TTLL5: variants seen among roughly 807,000 people sequenced by gnomAD.
TTLL5 encodes the protein tubulin tyrosine ligase like 5.
TTLL5 carries 132 observed loss-of-function variants against 168.4 expected under a neutral mutation model. The observed-to-expected ratio is 0.78, with a 90% confidence interval of 0.68 to 0.91. TTLL5 has a LOEUF of 0.91. Ranked by LOEUF, TTLL5 falls within the 40% of genes least tolerant of loss-of-function variation. TTLL5 has a pLI of 0.00. For synonymous variants in TTLL5, 546 were observed against 558.6 expected, an observed-to-expected ratio of 0.98 and a Z score of 0.32; for missense variants, 1,545 against 1,581.5, an observed-to-expected ratio of 0.98 and a Z score of 0.39.
chr14:75,891,329 A>C (rs2140053972), intron 30 of TTLL5, among the ~76,000 whole-genome samples: 1 of 151,588 alleles, frequency 6.6e-6, no homozygotes, highest in Non-Finnish European at 1.5e-5. Flanking sequence ...TCCTCATCTG[A>C]CTCTGCCATC....
At chr14:75,815,688 CTGA>C (rs1361753143) in intron 27 of TTLL5, among the ~76,000 whole-genome samples, 2 of 152,186 alleles carry the variant, frequency 1.3e-5, no homozygotes, top group Admixed American at 1.3e-4. Context: ...AGGTCTGTAT[CTGA>C]TGATATTTTA....
At chr14:75,706,292 C>A (rs547760231) in intron 7 of TTLL5, among the ~76,000 whole-genome samples, 1 of 152,256 alleles carries the variant, frequency 6.6e-6, no homozygotes, top group Non-Finnish European at 1.5e-5. Flanking sequence ...TTTGCTGTTC[C>A]TCTACCTAAA....
At chr14:75,903,362 G>C (rs1023669983) in intron 31 of TTLL5, among the ~76,000 whole-genome samples, 2 of 152,000 alleles carry the variant, frequency 1.3e-5, no homozygotes, top group Admixed American at 1.3e-4. Context: ...AGCAAAGACC[G>C]GGGGGAAGTG....
intron 27 of TTLL5, among the ~76,000 whole-genome samples, chr14:75,812,349 G>A (rs1894097184): frequency 6.6e-6 from 1 of 152,206 alleles, no homozygotes; most frequent in South Asian, 2.1e-4. Context: ...TCACTTAGCA[G>A]CAGCCAGCTA....
chr14:75,945,856 G>A (rs1484496940), intron 31 of TTLL5, among the ~76,000 whole-genome samples: 2 of 152,216 alleles, frequency 1.3e-5, no homozygotes, highest in Non-Finnish European at 2.9e-5. Flanking sequence ...GCTGGAGGGA[G>A]TGGAAGGATT....
At chr14:75,788,296 A>G (rs1175540950) in intron 26 of TTLL5, among the ~76,000 whole-genome samples, 1 of 152,172 alleles carries the variant, frequency 6.6e-6, no homozygotes, top group Non-Finnish European at 1.5e-5. Context: ...ATAGAATTCA[A>G]AAATAAGGCA....
chr14:75,713,428 G>A (rs536189373), intron 9 of TTLL5, among the ~76,000 whole-genome samples: 7 of 152,138 alleles, frequency 4.6e-5, no homozygotes, highest in African/African-American at 1.2e-4. Context: ...GTGTAAATAC[G>A]CTCTATGATG....
At chr14:75,768,144 G>A (rs907207457) in intron 20 of TTLL5, among the ~76,000 whole-genome samples, 4 of 152,158 alleles carry the variant, frequency 2.6e-5, no homozygotes, top group African/African-American at 9.7e-5. Context: ...ATTTGGTTCA[G>A]CAAGGATAAA....
In TTLL5 at chr14:75,933,557, C is replaced by T. The variant is rs141864344; in HGVS notation, c.3824-20867C>T. On this transcript the variant is annotated intron_variant, in intron 31 of 31. Coordinates refer to ENST00000298832, the MANE Select transcript of TTLL5 (RefSeq NM_015072.5). ...TGGCTCAAGGTCTCTCATGAAGTTA[C>T]AGTCAGGCTGTCAGCTGGGAGCAGT... Among the ~76,000 whole-genome samples, 348 of 152,336 alleles carry T rather than the reference C, an allele frequency of 2.3e-3. 2 individuals are homozygous for T. The highest frequency in any genetic ancestry group is 4.0e-3 in the Non-Finnish European group (271 of 68,024).
chr14:75,915,433 T>G (rs1415412574), intron 31 of TTLL5, among the ~76,000 whole-genome samples: 1 of 152,238 alleles, frequency 6.6e-6, no homozygotes, highest in Non-Finnish European at 1.5e-5. Flanking sequence ...GCATTACCAC[T>G]GCTGTTGTCA....
At chr14:75,783,838 G>A (rs909888733) in intron 26 of TTLL5, among the ~76,000 whole-genome samples, 3 of 152,200 alleles carry the variant, frequency 2.0e-5, no homozygotes, top group African/African-American at 7.2e-5. Context: ...ATCTATGAGT[G>A]TGCTATATGC....
chr14:75,793,819 C>T (rs2042517), intron 27 of TTLL5, among the ~76,000 whole-genome samples: 106,273 of 152,028 alleles, frequency 0.7, 37,878 homozygotes, highest in Admixed American at 0.78. Context: ...AGCCATATCT[C>T]TTATTCCTTA....
At position 75,735,277 on chromosome 14, in the gene TTLL5, C is replaced by A. The variant is rs189135452; in HGVS notation, c.1269C>A (p.Phe423Leu). Residue 423 changes from phenylalanine to leucine, a missense_variant, in exon 15 of 32, where the codon TTC (phenylalanine) becomes TTA (leucine). Physicochemically the swap from Phe to Leu is conservative, Grantham distance 22. Coordinates refer to ENST00000298832, the MANE Select transcript of TTLL5 (RefSeq NM_015072.5). The stretch of plus-strand genomic sequence containing the variant: ...TTGAGTCTTCCAGGCGAAACCCTTT[C>A]CAGAAACCTCAGGTAAGCCAATTCC... ...PTFESSRRNP[F>L]QKPQRCRPLS... The A allele has an allele frequency of 4.6e-5, 74 of 1,614,170 alleles. No homozygotes were observed. In the East Asian group the frequency reaches 1.6e-3, roughly 35 times the overall value.
rs541366841 is a variant in TTLL5, at chr14:75,664,442, C to T, written c.74+1219C>T. ...CCTGAAAAATAGAGATAATATCTCC[C>T]AGGCTATTTTGTAGGGGTCTGGTTA... On this transcript the variant is annotated intron_variant, in intron 2 of 31. Transcript: ENST00000298832. Among the ~76,000 whole-genome samples, 3 of 152,264 alleles carry T rather than the reference C, an allele frequency of 2.0e-5. No individual in the cohort carries two copies. In the East Asian group the frequency reaches 5.8e-4, roughly 29 times the overall value.
At chr14:75,839,246 GAGA>G (rs1437787125) in intron 28 of TTLL5, 2 of 152,342 alleles carry the variant, frequency 1.3e-5, no homozygotes, top group Non-Finnish European at 2.9e-5. Flanking sequence ...TTTTGTCTTG[GAGA>G]AGAAGAGTAA....
At chr14:75,747,126 T>C (rs1889664601) in intron 17 of TTLL5, among the ~76,000 whole-genome samples, 1 of 152,146 alleles carries the variant, frequency 6.6e-6, no homozygotes, top group Admixed American at 6.5e-5. Context: ...ACTTTTTTTT[T>C]CTTGCTTTCC....
intron 30 of TTLL5, among the ~76,000 whole-genome samples, chr14:75,895,095 A>T (rs2032586460): frequency 6.6e-6 from 1 of 152,244 alleles, no homozygotes; most frequent in Non-Finnish European, 1.5e-5. Context: ...CCAGCACTTA[A>T]AATAGAAAAT....
intron 21 of TTLL5, among the ~76,000 whole-genome samples, chr14:75,772,332 A>AAG (rs1206488325): frequency 4.6e-5 from 7 of 152,214 alleles, no homozygotes; most frequent in Non-Finnish European, 1.0e-4. Flanking sequence ...GATGTACTTT[A>AAG]CTTGCTCCTC....
At chr14:75,810,953 C>A (rs1034526187) in intron 27 of TTLL5, among the ~76,000 whole-genome samples, 3 of 152,266 alleles carry the variant, frequency 2.0e-5, no homozygotes, top group African/African-American at 7.2e-5. Flanking sequence ...AGTCACTGAT[C>A]ATTTTATTTC....
Sources: gnomAD v4.1 joint callset for allele counts (sites outside exome capture counted in the v4.1 genomes callset) on GRCh38, gnomAD v4.1.1 for gene constraint, MANE v1.5 for transcripts, NCBI Gene and HGNC (gene_info 2026-07-23, HGNC 2026-07-21) for gene names.